Variants in DNAH8 observed in about 807,000 individuals in gnomAD.
DNAH8 encodes axonemal beta dynein heavy chain 8.
Under a neutral mutation model 562.1 loss-of-function variants are expected in DNAH8, and 382 were observed. The ratio of observed to expected loss-of-function variants is 0.68; its 90% CI spans 0.63 to 0.74. DNAH8 has a LOEUF of 0.74. Among genes scored for constraint, DNAH8 ranks in the 30% least tolerant of loss-of-function variants. The probability of loss-of-function intolerance (pLI) is 0.00; values close to 1 mark genes in which losing one functional copy is unlikely to be tolerated. For synonymous variants in DNAH8, 1,881 were observed against 1,919.4 expected (o/e 0.98, Z 0.52); for missense variants, 5,203 against 5,620.4 (o/e 0.93, Z 2.37).
At chr6:38,782,930 T>A (rs1475750336) in intron 16 of DNAH8, 74 bp from the exon 17 acceptor site, 1 of 1,342,508 alleles carries the variant, frequency 7.4e-7, no homozygotes, top group South Asian at 1.3e-5. Context: ...ATTTTACATA[T>A]AAGTACTTTC....
At chr6:38,910,250 A>T (rs1780787834) in intron 65 of DNAH8, among the ~76,000 whole-genome samples, 1 of 152,182 alleles carries the variant, frequency 6.6e-6, no homozygotes, top group Non-Finnish European at 1.5e-5. Context: ...CCACTCACTA[A>T]AAGCAGCAAT....
intron 7 of DNAH8, 26 bp from the exon 8 acceptor site, chr6:38,741,685 T>C (rs1764530737): frequency 1.3e-6 from 2 of 1,555,462 alleles, no homozygotes; most frequent in Admixed American, 4.1e-5. Flanking sequence ...AACATTTCTA[T>C]ATTTTATAAA....
chr6:38,814,472 T>C (rs1253162651), intron 25 of DNAH8, among the ~76,000 whole-genome samples: 2 of 152,056 alleles, frequency 1.3e-5, no homozygotes, highest in Admixed American at 1.3e-4. Flanking sequence ...TCCCAGCTAC[T>C]TGGGAGGCTG....
At chr6:38,902,377 C>A (rs1780136432) in intron 62 of DNAH8, among the ~76,000 whole-genome samples, 4 of 152,172 alleles carry the variant, frequency 2.6e-5, no homozygotes, top group Admixed American at 1.3e-4. Flanking sequence ...GAATATTCCT[C>A]TGCCCTAATC....
At chr6:38,781,780 T>G (rs1373339299) in intron 16 of DNAH8, among the ~76,000 whole-genome samples, 1 of 152,176 alleles carries the variant, frequency 6.6e-6, no homozygotes, top group East Asian at 1.9e-4. Context: ...AGTGTATTCC[T>G]GTATGAAGAA....
intron 92 of DNAH8, among the ~76,000 whole-genome samples, chr6:39,029,764 A>G (rs532226071): frequency 3.0e-4 from 45 of 152,226 alleles, no homozygotes; most frequent in Admixed American, 1.8e-3. Context: ...CCATGCTCCC[A>G]CCTTCCACCA....
chr6:38,872,139 C>T (rs910984059), intron 49 of DNAH8, among the ~76,000 whole-genome samples: 2 of 152,220 alleles, frequency 1.3e-5, no homozygotes, highest in African/African-American at 4.8e-5. Flanking sequence ...CGGATCTTCA[C>T]TGTGATGCTC....
intron 29 of DNAH8, among the ~76,000 whole-genome samples, chr6:38,827,662 C>G (rs1250171467): frequency 6.7e-6 from 1 of 148,558 alleles, no homozygotes; most frequent in Non-Finnish European, 1.5e-5. Flanking sequence ...TGCTGACCAG[C>G]CAGACTTCAA....
Position 38,870,529 on chromosome 6 carries a change from T to G in DNAH8, c.6957T>G (p.Ile2319Met). 1.2e-6 allele frequency: 2 copies of G among 1,614,054 alleles called. No homozygotes were observed. Among genetic ancestry groups the G allele is most frequent in the Non-Finnish European group, 1.7e-6 (2 of 1,179,968 alleles). ...ATCAGGTTCAGATAGAGGGTTTGAT[T>G]AACCATCCACCCTGGAACCTGAAAC... ...VAHQVQIEGL[I>M]NHPPWNLKLV... is the part of the protein sequence containing the mutation. Residue 2319 changes from isoleucine to methionine, a missense_variant, in exon 49 of 93, where the codon ATT (isoleucine) becomes ATG (methionine). By Grantham distance (10) the Ile-to-Met change is conservative (BLOSUM62 1). Around this residue, in one of 6 missense-constraint regions of DNAH8, gnomAD observed 2,176 missense variants for 2,365.1 expected, o/e 0.92. Transcript: ENST00000327475.
chr6:38,717,566 G>GT (rs1378776743), intron 1 of DNAH8, among the ~76,000 whole-genome samples: 3 of 151,472 alleles, frequency 2.0e-5, no homozygotes. Context: ...CTTGAGCTCA[G>GT]GAGTTTGTAT....
chr6:39,020,197 A>G lies in DNAH8; in HGVS notation c.13715-6349A>G, dbSNP rs553403241. 2.0e-5 allele frequency among the ~76,000 whole-genome samples: 3 copies of G among 152,296 alleles called. No homozygotes were observed. In the South Asian group the frequency reaches 6.2e-4, roughly 32 times the overall value. On this transcript the variant is annotated intron_variant, in intron 91 of 92. Transcript: ENST00000327475. ...TACCGAAGTTTTACTGGAGCCAATT[A>G]TGTCCTGGATTAGTCATTTCAGAGA...
rs11340457 is a variant in DNAH8 at position 38,743,007 on chromosome 6, C to CTTTTTTTTTTT, written c.1293+1137_1293+1147dup. The stretch of plus-strand genomic sequence containing the variant: ...TTTCCAAAAAAATGTTGTTGTTGTG[C>CTTTTTTTTTTT]TTTTTTTTTTTTTTTTTTTTTTTTT... On this transcript the variant is annotated intron_variant, in intron 8 of 92. Transcript: ENST00000327475. 2.9e-3 allele frequency among the ~76,000 whole-genome samples: 153 copies of CTTTTTTTTTTT among 52,000 alleles called. 4 individuals are homozygous for CTTTTTTTTTTT. Among genetic ancestry groups the CTTTTTTTTTTT allele is most frequent in the African/African-American group, 8.9e-3 (80 of 9,002 alleles). 34.1% of individuals were successfully genotyped at this position (52,000 alleles called of 152,430 possible).
chr6:38,779,555 G>A (rs113342323), intron 14 of DNAH8, among the ~76,000 whole-genome samples: 4,063 of 152,232 alleles, frequency 0.027, 91 homozygotes, highest in South Asian at 0.073. Flanking sequence ...TGGTTATATG[G>A]AATTATATGG....
rs972274305 is a variant in DNAH8 at position 38,722,583 on chromosome 6, G to GGT, written c.-34-173_-34-172dup. On this transcript the variant is annotated intron_variant, in intron 1 of 92. Coordinates refer to ENST00000327475, the MANE Select transcript of DNAH8 (RefSeq NM_001206927.2). ...CTGAAAAAGCTCCCAGGTGGGTGGGGGTGTGTGTGTGTGTGTGTGTGCTGT... is the reference window on the plus strand; with the variant it reads ...CTGAAAAAGCTCCCAGGTGGGTGGGGGTGTGTGTGTGTGTGTGTGTGTGCTGT... Among the ~76,000 whole-genome samples the GGT allele has an allele frequency of 3.8e-3, 573 of 149,130 alleles. 3 individuals carry two copies. The highest frequency in any genetic ancestry group is 0.011 in the African/African-American group (457 of 40,568).
chr6:38,730,815 T>C (rs1197436549), intron 4 of DNAH8, among the ~76,000 whole-genome samples: 1 of 152,194 alleles, frequency 6.6e-6, no homozygotes, highest in Admixed American at 6.5e-5. Context: ...TTTAAGCCCC[T>C]CTTCATTGTT....
chr6:38,932,003 C>T lies in DNAH8; in HGVS notation c.11457+10C>T, dbSNP rs1321089303. 9 of 1,522,548 alleles carry T rather than the reference C, an allele frequency of 5.9e-6. No individual in the cohort carries two copies. The highest frequency in any genetic ancestry group is 1.7e-4 in the Middle Eastern group (1 of 5,744). The allele number at this position is 1,522,548 out of a possible 1,614,324, so 94.3% of individuals were successfully genotyped here. A position where few individuals can be genotyped will look rare whatever the true frequency, so the allele number is the denominator to read the frequency against. On this transcript the variant is annotated intron_variant, in intron 76 of 92. Transcript: ENST00000327475. ...TCTAACAGAGAAACAGGTAATCTCT[C>T]TCTCAAGGTAAAGAATTTCTGCTTA...
chr6:38,818,536 G>GAAAAAAAAAAA (rs1562891460), intron 26 of DNAH8, among the ~76,000 whole-genome samples: 1 of 17,218 alleles, frequency 5.8e-5, no homozygotes. Flanking sequence ...AAAAGCAAAA[G>GAAAAAAAAAAA]CAAAAAAAAA....
At chr6:39,016,379 G>T (rs148546198) in intron 91 of DNAH8, among the ~76,000 whole-genome samples, 1 of 151,890 alleles carries the variant, frequency 6.6e-6, no homozygotes, top group African/African-American at 2.4e-5. Context: ...GTGAAACCCC[G>T]TCTCTACTAA....
chr6:38,988,881 T>C (rs994949813), intron 87 of DNAH8, among the ~76,000 whole-genome samples: 1 of 152,238 alleles, frequency 6.6e-6, no homozygotes, highest in Non-Finnish European at 1.5e-5. Context: ...ACTTTGCTTA[T>C]TTTTATTTCC....
Sources: gnomAD v4.1 joint callset for allele counts (sites outside exome capture counted in the v4.1 genomes callset) on GRCh38, gnomAD v4.1.1 for gene constraint, gnomAD v4.1.1 regional missense constraint, MANE v1.5 for transcripts, NCBI Gene and HGNC (gene_info 2026-07-23, HGNC 2026-07-21) for gene names.